The following AKT3 variants were observed in gnomAD, a reference collection of about 807,000 sequenced individuals.
The protein encoded by AKT3 is AKT serine/threonine kinase 3, also known as RAC-gamma serine/threonine-protein kinase.
Under a neutral mutation model 65.3 loss-of-function variants are expected in AKT3, and 15 were observed. The observed-to-expected ratio is 0.23, with a 90% confidence interval of 0.15 to 0.35. The LOEUF (loss-of-function observed/expected upper bound fraction) is 0.35, where lower values mean the gene tolerates loss of function less well. AKT3 is among the 10% of genes least tolerant of loss of function. AKT3 has a pLI of 1.00. For synonymous variants in AKT3, 206 were observed against 183.8 expected (o/e 1.12, Z -0.98); for missense variants, 243 against 576.5 (o/e 0.42, Z 5.92).
intron 11 of AKT3, among the ~76,000 whole-genome samples, chr1:243,550,488 G>C (rs1329766733): frequency 6.6e-6 from 1 of 151,904 alleles, no homozygotes; most frequent in Non-Finnish European, 1.5e-5. Context: ...AAATGAATGA[G>C]ACATACACAT....
intron 8 of AKT3, among the ~76,000 whole-genome samples, chr1:243,594,858 G>C (rs970056034): frequency 6.6e-6 from 1 of 152,166 alleles, no homozygotes; most frequent in East Asian, 1.9e-4. Flanking sequence ...GGGATTACAG[G>C]TATAAGCCCC....
chr1:243,769,505 T>C (rs915116559), intron 2 of AKT3, among the ~76,000 whole-genome samples: 4 of 152,220 alleles, frequency 2.6e-5, no homozygotes, highest in Non-Finnish European at 4.4e-5. Flanking sequence ...GGTGAGTTGA[T>C]ATCTCACATG....
chr1:243,643,269 T>A (rs1452701589), intron 5 of AKT3, among the ~76,000 whole-genome samples: 3 of 152,176 alleles, frequency 2.0e-5, no homozygotes, highest in Non-Finnish European at 2.9e-5. Context: ...GGAGTCAAAC[T>A]TAGTGGGAAA....
At chr1:243,662,124 C>G (rs1682399236) in intron 4 of AKT3, among the ~76,000 whole-genome samples, 1 of 151,920 alleles carries the variant, frequency 6.6e-6, no homozygotes, top group African/African-American at 2.4e-5. Context: ...TAAACTAGTT[C>G]AACCATTGTG....
intron 2 of AKT3, among the ~76,000 whole-genome samples, chr1:243,759,273 C>CCACTG (rs1429060039): frequency 6.6e-6 from 1 of 152,008 alleles, no homozygotes; most frequent in African/African-American, 2.4e-5. Flanking sequence ...TATGATCGGA[C>CCACTG]CACTGCACTG....
intron 2 of AKT3, among the ~76,000 whole-genome samples, chr1:243,736,930 AAAT>A (rs1687880244): frequency 6.6e-6 from 1 of 152,208 alleles, no homozygotes; most frequent in Admixed American, 6.5e-5. Context: ...CGTCACACAC[AAAT>A]AACATATGTA....
chr1:243,556,902 A>G (rs977015470), intron 10 of AKT3, among the ~76,000 whole-genome samples: 1 of 152,124 alleles, frequency 6.6e-6, no homozygotes, highest in Non-Finnish European at 1.5e-5. Context: ...TAAATTCTAC[A>G]GTTGCTTGGT....
intron 12 of AKT3, among the ~76,000 whole-genome samples, chr1:243,536,237 C>CATTT (rs1671919972): frequency 6.6e-6 from 1 of 152,042 alleles, no homozygotes; most frequent in African/African-American, 2.4e-5. Flanking sequence ...AATTAAGCCC[C>CATTT]ATTTATTTAT....
At chr1:243,695,747 G>A in intron 2 of AKT3, 31 bp from the exon 3 acceptor site, 1 of 1,544,196 alleles carries the variant, frequency 6.5e-7, no homozygotes, top group Non-Finnish European at 8.7e-7. Context: ...TGTTAATGCT[G>A]AAAAAAATGA....
chr1:243,546,057 G>T (rs1055564786), intron 11 of AKT3, among the ~76,000 whole-genome samples: 2 of 152,114 alleles, frequency 1.3e-5, no homozygotes, highest in South Asian at 4.1e-4. Context: ...CAGGTGGGAG[G>T]TAACTGAATC....
intron 3 of AKT3, among the ~76,000 whole-genome samples, chr1:243,681,854 T>C (rs1415314390): frequency 6.6e-6 from 1 of 152,140 alleles, no homozygotes. Flanking sequence ...TTATTTCATG[T>C]TTTTCATGTG....
chr1:243,589,894 A>G (rs1558637234), intron 8 of AKT3, among the ~76,000 whole-genome samples: 2 of 152,346 alleles, frequency 1.3e-5, no homozygotes, highest in Non-Finnish European at 2.9e-5. Flanking sequence ...GTATATTTAT[A>G]CAATGGAATA....
chr1:243,773,702 T>C (rs958220946), intron 2 of AKT3, among the ~76,000 whole-genome samples: 1 of 152,196 alleles, frequency 6.6e-6, no homozygotes, highest in African/African-American at 2.4e-5. Context: ...CAAATTATAC[T>C]GTGTATGACC....
chr1:243,836,591 A>C (rs147198203), intron 2 of AKT3, among the ~76,000 whole-genome samples: 48 of 152,282 alleles, frequency 3.2e-4, no homozygotes, highest in African/African-American at 7.2e-4. Context: ...AAATGATAAG[A>C]CCACATAATG....
intron 11 of AKT3, among the ~76,000 whole-genome samples, chr1:243,549,203 T>A (rs1011645532): frequency 6.6e-6 from 1 of 152,174 alleles, no homozygotes; most frequent in Admixed American, 6.6e-5. Flanking sequence ...CCATCTTGGT[T>A]TTATATAGAA....
intron 8 of AKT3, among the ~76,000 whole-genome samples, chr1:243,601,822 T>A (rs552262630): frequency 6.6e-6 from 1 of 152,328 alleles, no homozygotes; most frequent in Non-Finnish European, 1.5e-5. Context: ...CCTGTAAGTA[T>A]GTTTTCAGAT....
intron 2 of AKT3, chr1:243,735,516 T>A (rs1687791688): frequency 6.6e-6 from 1 of 152,226 alleles, no homozygotes; most frequent in South Asian, 2.1e-4. Context: ...AAAAGCAATT[T>A]GTAACATTAC....
intron 10 of AKT3, among the ~76,000 whole-genome samples, chr1:243,559,320 C>T (rs77319923): frequency 0.012 from 1,852 of 152,216 alleles, 16 homozygotes; most frequent in Non-Finnish European, 0.018. Context: ...CTGTTAAAAA[C>T]ACAAAACAAA....
intron 2 of AKT3, among the ~76,000 whole-genome samples, chr1:243,803,284 G>A (rs991762810): frequency 5.3e-5 from 8 of 152,234 alleles, no homozygotes; most frequent in South Asian, 2.1e-4. Context: ...TGCCTCCAAA[G>A]CCAGCTGTAC....
Sources: gnomAD v4.1 joint callset for allele counts (sites outside exome capture counted in the v4.1 genomes callset) on GRCh38, gnomAD v4.1.1 for gene constraint, MANE v1.5 for transcripts, NCBI Gene and HGNC (gene_info 2026-07-23, HGNC 2026-07-21) for gene names.